Variants in GTF2IRD1 observed in about 807,000 individuals in gnomAD.
GTF2IRD1 encodes GTF2I repeat domain containing 1, also known as general transcription factor II-I repeat domain-containing protein 1.
GTF2IRD1 carries 26 observed loss-of-function variants against 113.2 expected under a neutral mutation model. The ratio of observed to expected loss-of-function variants is 0.23; its 90% confidence interval spans 0.17 to 0.32. The LOEUF is 0.32. GTF2IRD1 is among the 10% of genes least tolerant of loss of function. GTF2IRD1 has a pLI of 1.00. For synonymous variants in GTF2IRD1, 484 were observed against 529.1 expected (o/e 0.91, Z 1.17); for missense variants, 864 against 1,280.8 (o/e 0.67, Z 4.97).
intron 11 of GTF2IRD1, 49 bp downstream of exon 11, chr7:74,536,324 G>T: frequency 1.7e-6 from 2 of 1,180,544 alleles, no homozygotes; most frequent in Non-Finnish European, 1.3e-6. Flanking sequence ...CCCTGCTCTG[G>T]GCTGAGGCAG....
At chr7:74,470,970 T>A (rs1422036219) in intron 1 of GTF2IRD1, among the ~76,000 whole-genome samples, 1 of 152,036 alleles carries the variant, frequency 6.6e-6, no homozygotes, top group Non-Finnish European at 1.5e-5. Context: ...CCTGGTTAAT[T>A]TTTTTTGTAT....
intron 17 of GTF2IRD1, among the ~76,000 whole-genome samples, chr7:74,553,598 T>C (rs1205785424): frequency 6.6e-6 from 1 of 152,192 alleles, no homozygotes; most frequent in Admixed American, 6.5e-5. Flanking sequence ...TTGAGCACTT[T>C]TTAAAGTCAC....
At position 74,571,885 on chromosome 7, in the gene GTF2IRD1, G is replaced by A. The variant is rs779002103; in HGVS notation, c.2320+12230G>A. Among the ~76,000 whole-genome samples the A allele has an allele frequency of 4.6e-4, 70 of 151,920 alleles. 1 individual carries two copies. The highest frequency in any genetic ancestry group is 7.9e-4 in the Non-Finnish European group (54 of 67,982). ...CAAAAAAAAAAAATTACATGCCACCGAGGAAGATCATTCCACTTACACTCA... is the reference window on the plus strand; with the variant it reads ...CAAAAAAAAAAAATTACATGCCACCAAGGAAGATCATTCCACTTACACTCA... On this transcript the variant is annotated intron_variant, in intron 22 of 26. Transcript: ENST00000424337.
chr7:74,460,685 G>A (rs1229222394), intron 1 of GTF2IRD1, among the ~76,000 whole-genome samples: 5 of 152,096 alleles, frequency 3.3e-5, no homozygotes, highest in Non-Finnish European at 7.4e-5. Flanking sequence ...GGGATTTCTG[G>A]CCAATGTGGT....
intron 1 of GTF2IRD1, among the ~76,000 whole-genome samples, chr7:74,496,682 G>T (rs1554338162): frequency 6.6e-6 from 1 of 151,986 alleles, no homozygotes; most frequent in Non-Finnish European, 1.5e-5. Context: ...GCATGTGTGT[G>T]TTGACTTGCT....
At chr7:74,490,817 C>T (rs1795297423) in intron 1 of GTF2IRD1, among the ~76,000 whole-genome samples, 1 of 151,930 alleles carries the variant, frequency 6.6e-6, no homozygotes, top group African/African-American at 2.4e-5. Context: ...AGTGGCGCTT[C>T]CAAGGGGGAA....
chr7:74,580,405 G>A (rs1255132199), intron 22 of GTF2IRD1, among the ~76,000 whole-genome samples: 2 of 152,152 alleles, frequency 1.3e-5, no homozygotes, highest in Admixed American at 6.6e-5. Flanking sequence ...ACGTGAGGTC[G>A]TCAGTCTGAG....
chr7:74,504,288 C>T (rs1796187594), intron 1 of GTF2IRD1, among the ~76,000 whole-genome samples: 2 of 152,204 alleles, frequency 1.3e-5, no homozygotes. Context: ...GGATATTTCT[C>T]TTCCTTGCGA....
chr7:74,478,655 C>G (rs1226744218), intron 1 of GTF2IRD1, among the ~76,000 whole-genome samples: 2 of 151,940 alleles, frequency 1.3e-5, no homozygotes, highest in African/African-American at 4.8e-5. Context: ...GGGGTTTCAC[C>G]ATGTTGGCCA....
At chr7:74,496,482 C>T (rs942619981) in intron 1 of GTF2IRD1, among the ~76,000 whole-genome samples, 41 of 73,556 alleles carry the variant, frequency 5.6e-4, no homozygotes, top group Non-Finnish European at 8.0e-4. Flanking sequence ...TGGGTGTGCA[C>T]GTATGTGTGT....
At chr7:74,522,880 AG>A (rs1211178533) in intron 7 of GTF2IRD1, among the ~76,000 whole-genome samples, 4 of 152,234 alleles carry the variant, frequency 2.6e-5, no homozygotes, top group African/African-American at 9.6e-5. Context: ...GCACTTAACA[AG>A]TTAAAGTTGT....
intron 22 of GTF2IRD1, among the ~76,000 whole-genome samples, chr7:74,584,749 C>T (rs1801617386): frequency 6.6e-6 from 1 of 152,140 alleles, no homozygotes; most frequent in South Asian, 2.1e-4. Flanking sequence ...TAACATTTCC[C>T]TTTGGCATAG....
At chr7:74,518,363 C>CAAGGGCCGGGT in intron 5 of GTF2IRD1, 41 bp downstream of exon 5, 2 of 1,503,620 alleles carry the variant, frequency 1.3e-6, no homozygotes, top group Non-Finnish European at 1.8e-6. Context: ...TGGGGCTGGG[C>CAAGGGCCGGGT]CAGGGCCGGG....
intron 9 of GTF2IRD1, 45 bp downstream of exon 9, chr7:74,529,962 C>A (rs782270084): frequency 8.8e-6 from 13 of 1,484,510 alleles, no homozygotes; most frequent in Non-Finnish European, 1.1e-5. Context: ...GTAATCCCAG[C>A]ACTTTGGGAG....
chr7:74,594,216 TAATAAA>T (rs1802260923), intron 24 of GTF2IRD1, among the ~76,000 whole-genome samples: 1 of 150,378 alleles, frequency 6.6e-6, no homozygotes, highest in Admixed American at 6.7e-5. Flanking sequence ...AAAAATTAAT[TAATAAA>T]AATAAAAATT....
intron 17 of GTF2IRD1, among the ~76,000 whole-genome samples, chr7:74,550,346 T>C (rs1274279170): frequency 1.3e-5 from 2 of 152,054 alleles, no homozygotes; most frequent in Non-Finnish European, 2.9e-5. Flanking sequence ...ACTATATACA[T>C]GTATAGTACT....
intron 1 of GTF2IRD1, among the ~76,000 whole-genome samples, chr7:74,492,248 G>A (rs539874994): frequency 5.3e-5 from 8 of 149,542 alleles, no homozygotes; most frequent in African/African-American, 7.4e-5. Flanking sequence ...TCGGCTCACC[G>A]CAAGCTCTGC....
chr7:74,584,030 G>A (rs1801581780), intron 22 of GTF2IRD1, among the ~76,000 whole-genome samples: 1 of 152,132 alleles, frequency 6.6e-6, no homozygotes, highest in Non-Finnish European at 1.5e-5. Context: ...AAAAGTGCCT[G>A]AAACAGGTCT....
intron 22 of GTF2IRD1, among the ~76,000 whole-genome samples, chr7:74,576,617 CTTTTTTT>C (rs1165378230): frequency 2.0e-5 from 1 of 49,348 alleles, no homozygotes; most frequent in Admixed American, 3.3e-4. Context: ...ATTTCCTTGT[CTTTTTTT>C]TTTTTTTTTT....
Sources: gnomAD v4.1 joint callset for allele counts (sites outside exome capture counted in the v4.1 genomes callset) on GRCh38, gnomAD v4.1.1 for gene constraint, MANE v1.5 for transcripts, NCBI Gene and HGNC (gene_info 2026-07-23, HGNC 2026-07-21) for gene names.